The following CSMD3 variants were observed in gnomAD, a reference collection of about 807,000 sequenced individuals.
The protein encoded by CSMD3 is CUB and sushi domain-containing protein 3.
Under a neutral mutation model 435.2 loss-of-function variants are expected in CSMD3, and 177 were observed. The ratio of observed to expected loss-of-function variants is 0.41; its 90% CI spans 0.36 to 0.46. The LOEUF is 0.46. Among genes scored for constraint, CSMD3 ranks in the 20% least tolerant of loss-of-function variants. The probability of loss-of-function intolerance (pLI) is 0.34; values close to 1 mark genes in which losing one functional copy is unlikely to be tolerated. For synonymous variants in CSMD3, 1,656 were observed against 1,520.5 expected (o/e 1.09, Z -2.07); for missense variants, 4,265 against 4,504.6 (o/e 0.95, Z 1.52).
chr8:112,734,604 T>C (rs1257168565), intron 13 of CSMD3, among the ~76,000 whole-genome samples: 2 of 151,986 alleles, frequency 1.3e-5, no homozygotes, highest in African/African-American at 2.4e-5. Flanking sequence ...TCAGGAAATA[T>C]TGAAAATAAG....
intron 3 of CSMD3, among the ~76,000 whole-genome samples, chr8:113,251,716 G>A (rs1418165693): frequency 1.3e-5 from 2 of 151,948 alleles, no homozygotes; most frequent in Non-Finnish European, 2.9e-5. Context: ...ACACACTAAT[G>A]TTACATGTAA....
chr8:113,125,799 TA>T (rs759283231), intron 4 of CSMD3, among the ~76,000 whole-genome samples: 9 of 151,836 alleles, frequency 5.9e-5, no homozygotes, highest in Non-Finnish European at 1.3e-4. Context: ...GAGGACTGGA[TA>T]GGGGGAAGTC....
At position 112,427,425 on chromosome 8, in the gene CSMD3, T is replaced by C. The variant is rs571426982; in HGVS notation, c.5396-18393A>G. ...TCTGATGTTTTCATAAGGGGTTTAC[T>C]GCCCCTCTCCTTCACACTGCATTTC... On this transcript the variant is annotated intron_variant, in intron 32 of 70. Coordinates refer to ENST00000297405, the MANE Select transcript of CSMD3 (RefSeq NM_198123.2). Among the ~76,000 whole-genome samples the C allele has an allele frequency of 2.0e-5, 3 of 152,254 alleles. No homozygotes were observed. The East Asian group carries it at 5.8e-4, about 29-fold the overall frequency.
chr8:113,105,222 T>C (rs1330885126), intron 4 of CSMD3, among the ~76,000 whole-genome samples: 1 of 152,074 alleles, frequency 6.6e-6, no homozygotes, highest in Non-Finnish European at 1.5e-5. Flanking sequence ...TTTTAAAACA[T>C]TAGACCAGGT....
intron 3 of CSMD3, among the ~76,000 whole-genome samples, chr8:113,206,301 C>T (rs1258709618): frequency 6.6e-6 from 1 of 152,100 alleles, no homozygotes; most frequent in Non-Finnish European, 1.5e-5. Flanking sequence ...AGTGGCTTTA[C>T]TACCATTGCC....
At chr8:113,335,298 C>A (rs1196837310) in intron 1 of CSMD3, among the ~76,000 whole-genome samples, 4 of 152,004 alleles carry the variant, frequency 2.6e-5, no homozygotes, top group Non-Finnish European at 5.9e-5. Context: ...ATTACCCAGT[C>A]TCGGGTATTT....
intron 2 of CSMD3, among the ~76,000 whole-genome samples, chr8:113,281,267 T>A (rs968744069): frequency 1.3e-5 from 2 of 151,916 alleles, no homozygotes; most frequent in African/African-American, 4.8e-5. Context: ...CGGTGGAGTG[T>A]TGAAGTCCCC....
intron 22 of CSMD3, among the ~76,000 whole-genome samples, chr8:112,611,493 C>T (rs1271823752): frequency 2.6e-5 from 4 of 152,028 alleles, no homozygotes; most frequent in African/African-American, 9.7e-5. Context: ...TCAATGGGTA[C>T]TTAGAATTTC....
At chr8:113,274,979 T>A (rs2093558421) in intron 3 of CSMD3, among the ~76,000 whole-genome samples, 1 of 151,982 alleles carries the variant, frequency 6.6e-6, no homozygotes, top group Non-Finnish European at 1.5e-5. Flanking sequence ...ATAGCCTTTT[T>A]AAAAAAGCAT....
intron 1 of CSMD3, among the ~76,000 whole-genome samples, chr8:113,384,261 C>A (rs1184357136): frequency 6.6e-6 from 1 of 152,100 alleles, no homozygotes; most frequent in Non-Finnish European, 1.5e-5. Context: ...ACCCTAGCAC[C>A]TAACTCTGTG....
At chr8:112,464,746 T>C (rs1817790746) in intron 32 of CSMD3, among the ~76,000 whole-genome samples, 2 of 152,196 alleles carry the variant, frequency 1.3e-5, no homozygotes, top group Admixed American at 6.5e-5. Flanking sequence ...CAACATCTAC[T>C]GAGATGCACC....
At chr8:112,779,443 T>C (rs1000947358) in intron 13 of CSMD3, among the ~76,000 whole-genome samples, 2 of 152,038 alleles carry the variant, frequency 1.3e-5, no homozygotes, top group Non-Finnish European at 2.9e-5. Context: ...TTTTAGCCTA[T>C]GAACTTTTTT....
In CSMD3 at chr8:112,277,045, A is replaced by C. The variant is rs76030808; in HGVS notation, c.9508+4129T>G. Among the ~76,000 whole-genome samples, 801 of 152,028 alleles carry C rather than the reference A, an allele frequency of 5.3e-3. 21 individuals are homozygous for C. The East Asian group carries it at 0.077, about 15-fold the overall frequency. ...GACTTCTCTCTTGTGCTCTGGAGAC[A>C]TTTTTCCTATTGTTTTGGCAATTAA... On this transcript the variant is annotated intron_variant, in intron 59 of 70. Coordinates refer to ENST00000297405, the MANE Select transcript of CSMD3 (RefSeq NM_198123.2).
intron 13 of CSMD3, among the ~76,000 whole-genome samples, chr8:112,718,515 G>GTATATATATATATATATATATATA (rs35810260): frequency 7.1e-6 from 1 of 140,436 alleles, no homozygotes; most frequent in African/African-American, 2.6e-5. Flanking sequence ...GTATATATAT[G>GTATATATATATATATATATATATA]TATATATATA....
intron 1 of CSMD3, among the ~76,000 whole-genome samples, chr8:113,378,476 G>A (rs549824916): frequency 3.9e-5 from 6 of 152,222 alleles, no homozygotes; most frequent in African/African-American, 1.4e-4. Flanking sequence ...GAAAAGAATA[G>A]TATTTAATCC....
chr8:112,247,165 C>T (rs2130160102), intron 63 of CSMD3, 34 bp from the exon 64 acceptor site: 1 of 1,321,812 alleles, frequency 7.6e-7, no homozygotes. Flanking sequence ...AAAAATATTC[C>T]CCTACAACTT....
chr8:112,278,306 T>A (rs1263379454), intron 59 of CSMD3, among the ~76,000 whole-genome samples: 1 of 152,172 alleles, frequency 6.6e-6, no homozygotes, highest in East Asian at 1.9e-4. Context: ...CACTTTGAGA[T>A]GTGCTGATTT....
intron 22 of CSMD3, among the ~76,000 whole-genome samples, chr8:112,590,190 G>T (rs960597974): frequency 6.6e-6 from 1 of 152,034 alleles, no homozygotes; most frequent in African/African-American, 2.4e-5. Context: ...GTGGTGAGGG[G>T]AATAGTTGAA....
In CSMD3 at chr8:112,585,810, C is replaced by A. The variant is rs1293460727; in HGVS notation, c.3885+1256G>T. Among the ~76,000 whole-genome samples, 2 of 151,434 alleles carry A rather than the reference C, an allele frequency of 1.3e-5. 1 individual carries two copies. The highest frequency in any genetic ancestry group is 4.1e-4 in the South Asian group (2 of 4,832). On this transcript the variant is annotated intron_variant, in intron 23 of 70. Transcript: ENST00000297405. The stretch of plus-strand genomic sequence containing the variant: ...TCTTATCTATGCATTGATACATTTT[C>A]CCCCCATAATTTGCTTGAAAATAAA...
Sources: gnomAD v4.1 joint callset for allele counts (sites outside exome capture counted in the v4.1 genomes callset) on GRCh38, gnomAD v4.1.1 for gene constraint, MANE v1.5 for transcripts, NCBI Gene and HGNC (gene_info 2026-07-23, HGNC 2026-07-21) for gene names.